ITGAE: variants seen among roughly 807,000 people sequenced by gnomAD.
ITGAE encodes the protein integrin subunit alpha E, also known as integrin alpha-E.
ITGAE carries 99 observed loss-of-function variants against 136.5 expected under a neutral mutation model. The ratio of observed to expected loss-of-function variants is 0.73; its 90% CI spans 0.62 to 0.86. The LOEUF is 0.86. ITGAE is among the 40% of genes least tolerant of loss of function. The probability of loss-of-function intolerance (pLI) is 0.00; values close to 1 mark genes in which losing one functional copy is unlikely to be tolerated. For synonymous variants in ITGAE, 613 were observed against 591.8 expected (o/e 1.04, Z -0.52); for missense variants, 1,447 against 1,515.3 (o/e 0.95, Z 0.75).
chr17:3,725,916 A>AG, intron 26 of ITGAE: 1 of 1,613,372 alleles, frequency 6.2e-7, no homozygotes, highest in East Asian at 2.2e-5. Context: ...AAAGAAAACC[A>AG]GCCTCAAAAA....
chr17:3,763,913 T>G lies in ITGAE; in HGVS notation c.203A>C (p.His68Pro). The G allele has an allele frequency of 1.2e-6, 2 of 1,613,888 alleles. No individual in the cohort carries two copies. Among genetic ancestry groups the G allele is most frequent in the Non-Finnish European group, 1.7e-6 (2 of 1,179,960 alleles). ...TTCATCCTGGACAAGGGAACATCGA[T>G]GGAGGGGCCCTGGTGTCCTCTTGGT... ...PRTKRTPGPL[H>P]RCSLVQDEIL... The change falls in exon 3 of 31, where the codon CAT becomes CCT. Residue 68 changes from histidine (H) to proline (P), a missense_variant. By Grantham distance (77) the His-to-Pro change is moderately conservative. This residue lies in a region of ITGAE where 106 missense variants were observed against 87.8 expected (regional missense o/e 1.21). Transcript: ENST00000263087.
At position 3,771,096 on chromosome 17, in the gene ITGAE, T is replaced by TAA. The variant is rs36098243; in HGVS notation, c.155+6442_155+6443dup. Among the ~76,000 whole-genome samples the TAA allele has an allele frequency of 9.6e-3, 1,389 of 144,856 alleles. 24 individuals are homozygous for TAA. The highest frequency in any genetic ancestry group is 0.032 in the African/African-American group (1,270 of 39,450). ...TTCTTTGGGATCAACTCTGAGGGAT[T>TAA]AAAAAAAAAAAAGAACATTCATCCA... is the stretch of plus-strand genomic sequence containing the variant. On this transcript the variant is annotated intron_variant, in intron 2 of 30. Coordinates refer to ENST00000263087, the MANE Select transcript of ITGAE (RefSeq NM_002208.5).
rs558416469 is a variant in ITGAE at position 3,749,269 on chromosome 17, T to C, written c.2024+1083A>G. On this transcript the variant is annotated intron_variant, in intron 16 of 30. Transcript: ENST00000263087. The stretch of plus-strand genomic sequence containing the variant: ...AAAGCTCTGTTTTTCTTTTTTTTTT[T>C]TTGGAGACGGAGTCTCGCTCTGTCG... Among the ~76,000 whole-genome samples, 9 of 152,040 alleles carry C rather than the reference T, an allele frequency of 5.9e-5. No individual in the cohort carries two copies. The East Asian group carries it at 1.2e-3, about 20-fold the overall frequency.
In ITGAE at chr17:3,719,958, T is replaced by C. The variant is rs534819003; in HGVS notation, c.3333+349A>G. On this transcript the variant is annotated intron_variant, in intron 29 of 30. Coordinates refer to ENST00000263087, the MANE Select transcript of ITGAE (RefSeq NM_002208.5). ...CCAGGCTTGTGTTGAACTTCTGACC[T>C]CAGGTGATCCACCTGTCTCGGCCTC... 3.1e-3 allele frequency among the ~76,000 whole-genome samples: 479 copies of C among 152,320 alleles called. 6 individuals carry two copies. The highest frequency in any genetic ancestry group is 0.011 in the African/African-American group (464 of 41,568).
At chr17:3,729,085 A>G (rs569499201) in intron 24 of ITGAE, among the ~76,000 whole-genome samples, 2 of 151,916 alleles carry the variant, frequency 1.3e-5, no homozygotes, top group Admixed American at 1.3e-4. Context: ...CAAAATATAA[A>G]GTGGTCGTAG....
At chr17:3,746,854 G>A (rs1047979644) in intron 17 of ITGAE, among the ~76,000 whole-genome samples, 31 of 152,194 alleles carry the variant, frequency 2.0e-4, no homozygotes, top group African/African-American at 6.5e-4. Context: ...GCCTCCCAAA[G>A]TGCTGGGATT....
intron 1 of ITGAE, among the ~76,000 whole-genome samples, chr17:3,783,607 G>C (rs977688420): frequency 6.6e-6 from 1 of 152,120 alleles, no homozygotes. Flanking sequence ...AAAGTCATTT[G>C]AGTATCTTTG....
intron 2 of ITGAE, among the ~76,000 whole-genome samples, chr17:3,767,666 C>T (rs2052331354): frequency 6.6e-6 from 1 of 152,076 alleles, no homozygotes. Flanking sequence ...CTCTGTTGTC[C>T]AGGCTGGAGT....
At chr17:3,766,520 A>G (rs952644956) in intron 2 of ITGAE, among the ~76,000 whole-genome samples, 2 of 152,090 alleles carry the variant, frequency 1.3e-5, no homozygotes, top group Non-Finnish European at 2.9e-5. Flanking sequence ...ATAAACTTGC[A>G]GCTGGGCTCA....
At chr17:3,761,300 T>TGGGCCTGCGTCCCACTGC in intron 5 of ITGAE, 103 bp downstream of exon 5, 1 of 1,546,178 alleles carries the variant, frequency 6.5e-7, no homozygotes, top group Non-Finnish European at 8.7e-7. Flanking sequence ...TGCTCCACTG[T>TGGGCCTGCGTCCCACTGC]GGGCCTGCGT....
chr17:3,785,832 A>C (rs1265863948), intron 1 of ITGAE, among the ~76,000 whole-genome samples: 3 of 152,016 alleles, frequency 2.0e-5, no homozygotes, highest in African/African-American at 7.2e-5. Context: ...ACATGAATAA[A>C]AAATAGAAAG....
chr17:3,720,486 C>G, intron 28 of ITGAE, 84 bp from the exon 29 acceptor site: 1 of 694,802 alleles, frequency 1.4e-6, no homozygotes, highest in Non-Finnish European at 2.6e-6. Context: ...CACCACCTTT[C>G]CCTTTAAAGG....
At position 3,731,111 on chromosome 17, in the gene ITGAE, C is replaced by T. The variant is rs1286765179; in HGVS notation, c.2827G>A (p.Val943Ile). 2 of 1,612,796 alleles carry T rather than the reference C, an allele frequency of 1.2e-6. No homozygotes were observed. The highest frequency in any genetic ancestry group is 1.1e-5 in the South Asian group (1 of 91,070). The change falls in exon 23 of 31, where the codon GTC becomes ATC. Residue 943 changes from valine (V) to isoleucine (I), a missense_variant. Physicochemically the swap from Val to Ile is conservative, Grantham distance 29. Transcript: ENST00000263087. ...PNRTADITVT[V>I]TNSNERRSLA... ...GACCCAGGCAGTACTTACTTGGTGA[C>T]AGTCACAGTGATGTCTGCTGTCCTG...
At chr17:3,782,274 CAAAAAAAAAA>C (rs61341691) in intron 1 of ITGAE, among the ~76,000 whole-genome samples, 1 of 47,264 alleles carries the variant, frequency 2.1e-5, no homozygotes. Flanking sequence ...GACTCGGCCT[CAAAAAAAAAA>C]AAAAAAAAAA....
rs2050954931 is a variant in ITGAE at position 3,716,908 on chromosome 17, T to C, written c.3334-110A>G. On this transcript the variant is annotated intron_variant, in intron 29 of 30. Coordinates refer to ENST00000263087, the MANE Select transcript of ITGAE (RefSeq NM_002208.5). ...CGAGGACTTGGCAACAACCCGTGTA[T>C]TGATCAAAGCTGATGACAGTAAAGC... is the stretch of plus-strand genomic sequence containing the variant. The C allele has an allele frequency of 2.4e-5, 16 of 656,796 alleles. No homozygotes were observed. In the South Asian group the frequency reaches 2.7e-4, roughly 11 times the overall value. 40.7% of individuals were successfully genotyped at this position (656,796 alleles called of 1,614,324 possible).
Position 3,716,679 on chromosome 17 carries a change from A to C in ITGAE, c.3444+9T>G. On this transcript the variant is annotated intron_variant, in intron 30 of 30. Coordinates refer to ENST00000263087, the MANE Select transcript of ITGAE (RefSeq NM_002208.5). ...CTTCCCTCACTGTGATGCCATGAGT[A>C]GAACTGACCTTGAACAGGATGACCA... 3 of 1,508,598 alleles carry C rather than the reference A, an allele frequency of 2.0e-6. No individual in the cohort carries two copies. The highest frequency in any genetic ancestry group is 2.8e-6 in the Non-Finnish European group (3 of 1,083,960). 93.5% of individuals were successfully genotyped at this position (1,508,598 alleles called of 1,614,324 possible). A position where few individuals can be genotyped will look rare whatever the true frequency, so the allele number is the denominator to read the frequency against.
intron 1 of ITGAE, among the ~76,000 whole-genome samples, chr17:3,785,855 A>G (rs976962573): frequency 4.6e-5 from 7 of 152,116 alleles, no homozygotes; most frequent in African/African-American, 1.7e-4. Context: ...GGGACATCAT[A>G]ATAGATCCTA....
At chr17:3,785,493 A>T (rs2052763238) in intron 1 of ITGAE, among the ~76,000 whole-genome samples, 1 of 133,294 alleles carries the variant, frequency 7.5e-6, no homozygotes, top group African/African-American at 3.3e-5. Context: ...GGAAGGAAGG[A>T]AGGAGGAAGG....
At chr17:3,777,957 C>T (rs1380196553) in intron 1 of ITGAE, among the ~76,000 whole-genome samples, 2 of 152,124 alleles carry the variant, frequency 1.3e-5, no homozygotes, top group Non-Finnish European at 2.9e-5. Flanking sequence ...ATTTCTGCAC[C>T]TGACACACAG....
Sources: gnomAD v4.1 joint callset for allele counts (sites outside exome capture counted in the v4.1 genomes callset) on GRCh38, gnomAD v4.1.1 for gene constraint, gnomAD v4.1.1 regional missense constraint, MANE v1.5 for transcripts, NCBI Gene and HGNC (gene_info 2026-07-23, HGNC 2026-07-21) for gene names.